Variants in XIRP2 observed in about 807,000 individuals in gnomAD.
The protein encoded by XIRP2 is xin actin binding repeat containing 2, also known as xin actin-binding repeat-containing protein 2.
In XIRP2, 236 loss-of-function variants were observed where a neutral mutation model predicts 277.0. The ratio of observed to expected loss-of-function variants is 0.85; its 90% confidence interval spans 0.77 to 0.95. XIRP2 has a LOEUF of 0.95. Ranked by LOEUF, XIRP2 falls within the 40% of genes least tolerant of loss-of-function variation. XIRP2 has a pLI of 0.00. For missense variants in XIRP2, 4,640 were observed against 4,157.5 expected (o/e 1.12, Z -3.19); for synonymous variants, 1,490 against 1,416.5 (o/e 1.05, Z -1.17).
intron 2 of XIRP2, among the ~76,000 whole-genome samples, chr2:167,048,644 T>C (rs1233750760): frequency 6.6e-6 from 1 of 151,878 alleles, no homozygotes; most frequent in Non-Finnish European, 1.5e-5. Context: ...GCAAATTGCC[T>C]AAATCAGATC....
intron 2 of XIRP2, among the ~76,000 whole-genome samples, chr2:167,030,663 G>C (rs766712749): frequency 5.9e-5 from 9 of 152,154 alleles, no homozygotes; most frequent in Non-Finnish European, 1.2e-4. Flanking sequence ...GTGCGATGTG[G>C]TGCTGAGAAG....
intron 2 of XIRP2, among the ~76,000 whole-genome samples, chr2:166,919,529 A>G (rs1042973646): frequency 1.1e-4 from 16 of 152,210 alleles, no homozygotes; most frequent in South Asian, 2.1e-4. Flanking sequence ...TCTGATTTCA[A>G]TGTCGATTAG....
At chr2:167,208,720 T>G (rs1693932001) in intron 3 of XIRP2, among the ~76,000 whole-genome samples, 1 of 152,122 alleles carries the variant, frequency 6.6e-6, no homozygotes, top group Non-Finnish European at 1.5e-5. Flanking sequence ...AAATCAAATA[T>G]TTGAAAGCTA....
intron 2 of XIRP2, among the ~76,000 whole-genome samples, chr2:167,015,964 C>T (rs1013834926): frequency 1.3e-5 from 2 of 151,650 alleles, no homozygotes; most frequent in African/African-American, 4.8e-5. Flanking sequence ...ACTTTCAACC[C>T]ATATATCCAA....
At chr2:166,933,471 G>T (rs1393405896) in intron 2 of XIRP2, among the ~76,000 whole-genome samples, 2 of 151,480 alleles carry the variant, frequency 1.3e-5, no homozygotes, top group Non-Finnish European at 2.9e-5. Flanking sequence ...AATTTAAGAG[G>T]AATTTACATC....
At position 167,026,232 on chromosome 2, in the gene XIRP2, G is replaced by T. The variant is rs537670460; in HGVS notation, c.409-109677G>T. Among the ~76,000 whole-genome samples the T allele has an allele frequency of 6.4e-4, 98 of 152,050 alleles. 2 individuals carry two copies. Among genetic ancestry groups the T allele is most frequent in the African/African-American group, 2.0e-3 (83 of 41,500 alleles). Reference sequence around the variant, plus strand: ...TAATGGCCTTCTTTGTCTCTTTTGAGCTTTGTTGGTTTGAAGTCTGTTTTA... The same window carrying T: ...TAATGGCCTTCTTTGTCTCTTTTGATCTTTGTTGGTTTGAAGTCTGTTTTA... On this transcript the variant is annotated intron_variant, in intron 2 of 10. Coordinates refer to ENST00000409195, the MANE Select transcript of XIRP2 (RefSeq NM_152381.6).
intron 2 of XIRP2, among the ~76,000 whole-genome samples, chr2:166,983,008 AT>A (rs947775146): frequency 3.9e-4 from 59 of 152,240 alleles, no homozygotes; most frequent in African/African-American, 1.4e-3. Flanking sequence ...AGTCTTGGCT[AT>A]TTTGATCCAC....
chr2:167,232,110 T>C (rs1694775334), intron 5 of XIRP2, among the ~76,000 whole-genome samples: 1 of 152,030 alleles, frequency 6.6e-6, no homozygotes, highest in African/African-American at 2.4e-5. Flanking sequence ...GAGCTGTGAC[T>C]GATATAAAGA....
At chr2:167,088,958 A>C (rs958896093) in intron 2 of XIRP2, among the ~76,000 whole-genome samples, 2 of 152,128 alleles carry the variant, frequency 1.3e-5, no homozygotes, top group African/African-American at 4.8e-5. Flanking sequence ...GGAGGTGAGG[A>C]ACTCTGCCAT....
chr2:167,105,261 A>G (rs190627339), intron 2 of XIRP2, among the ~76,000 whole-genome samples: 2 of 151,974 alleles, frequency 1.3e-5, no homozygotes, highest in African/African-American at 4.8e-5. Flanking sequence ...ACATATTTCC[A>G]TCACCACATA....
At chr2:167,173,077 C>T (rs997432461) in intron 3 of XIRP2, among the ~76,000 whole-genome samples, 16 of 152,328 alleles carry the variant, frequency 1.1e-4, no homozygotes, top group African/African-American at 3.6e-4. Flanking sequence ...GGGTCCCTGA[C>T]TTCCTTCAAC....
chr2:167,144,341 A>T (rs1691805902), intron 3 of XIRP2, among the ~76,000 whole-genome samples: 1 of 152,082 alleles, frequency 6.6e-6, no homozygotes, highest in African/African-American at 2.4e-5. Context: ...CTTTATTTAC[A>T]ACTTCCTAAC....
In XIRP2 at chr2:167,244,870, G is replaced by A. The variant is rs1332357709; in HGVS notation, c.3478G>A (p.Gly1160Arg). 1.1e-5 allele frequency: 17 copies of A among 1,613,726 alleles called. No homozygotes were observed. Among genetic ancestry groups the A allele is most frequent in the Non-Finnish European group, 1.4e-5 (16 of 1,179,782 alleles). ...QTVKQEEIQG[G>R]DVRTACFLFE... ...TGTAAAACAGGAGGAGATCCAAGGT[G>A]GGGATGTTCGTACAGCATGTTTTCT... Residue 1160 changes from glycine to arginine, a missense_variant, in exon 9 of 11, where the codon GGG (glycine) becomes AGG (arginine). Transcript: ENST00000409195.
chr2:166,896,627 A>G (rs1216783447), intron 1 of XIRP2, among the ~76,000 whole-genome samples: 1 of 152,084 alleles, frequency 6.6e-6, no homozygotes. Context: ...AAAGTTTATA[A>G]AGTAACAAAG....
At chr2:166,979,748 C>T (rs770956510) in intron 2 of XIRP2, among the ~76,000 whole-genome samples, 93 of 152,146 alleles carry the variant, frequency 6.1e-4, no homozygotes, top group Middle Eastern at 6.8e-3. Context: ...CTGGTTATGA[C>T]GCATTTGCCT....
chr2:167,037,517 G>GT (rs56791816), intron 2 of XIRP2, among the ~76,000 whole-genome samples: 7,101 of 135,650 alleles, frequency 0.052, 299 homozygotes, highest in African/African-American at 0.12. Context: ...TTCATGTGGG[G>GT]GGTGTGTGTG....
Position 167,079,139 on chromosome 2 carries a change from C to CT in XIRP2, c.409-56764dup, listed in dbSNP as rs558091663. Among the ~76,000 whole-genome samples, 24 of 152,192 alleles carry CT rather than the reference C, an allele frequency of 1.6e-4. No homozygotes were observed. In the East Asian group the frequency reaches 3.7e-3, roughly 23 times the overall value. On this transcript the variant is annotated intron_variant, in intron 2 of 10. Coordinates refer to ENST00000409195, the MANE Select transcript of XIRP2 (RefSeq NM_152381.6). ...AAACGTACAGTTTTTGTTTCTAATT[C>CT]TTTTTTGTGATGAATCACACGTATT... is the stretch of plus-strand genomic sequence containing the variant.
chr2:167,143,389 G>A (rs997532942), intron 3 of XIRP2, among the ~76,000 whole-genome samples: 2 of 152,138 alleles, frequency 1.3e-5, no homozygotes, highest in Admixed American at 1.3e-4. Context: ...AGCATGACTG[G>A]GAGTTGACCA....
intron 2 of XIRP2, among the ~76,000 whole-genome samples, chr2:167,096,483 T>A (rs562050929): frequency 1.3e-5 from 2 of 152,298 alleles, no homozygotes; most frequent in South Asian, 4.1e-4. Flanking sequence ...ATTTTGCCAA[T>A]CTTTTCAAAA....
Sources: allele counts gnomAD v4.1 joint callset (sites outside exome capture counted in the v4.1 genomes callset), GRCh38; gene constraint gnomAD v4.1.1; transcripts MANE v1.5; gene names NCBI Gene and HGNC (gene_info 2026-07-23, HGNC 2026-07-21).